The following RPA1 variants were observed in gnomAD, a reference collection of about 807,000 sequenced individuals.
The protein encoded by RPA1 is replication protein A1.
Under a neutral mutation model 83.0 loss-of-function variants are expected in RPA1, and 49 were observed. The ratio of observed to expected loss-of-function variants is 0.59; its 90% confidence interval spans 0.47 to 0.75. The LOEUF (loss-of-function observed/expected upper bound fraction) is 0.75, where lower values mean the gene tolerates loss of function less well. Ranked by LOEUF, RPA1 falls within the 30% of genes least tolerant of loss-of-function variation. RPA1 has a pLI of 0.00. For missense variants in RPA1, 693 were observed against 776.1 expected, an observed-to-expected ratio of 0.89 and a Z score of 1.27; for synonymous variants, 279 against 281.8, an observed-to-expected ratio of 0.99 and a Z score of 0.10.
chr17:1,850,130 C>A (rs1912432438), intron 4 of RPA1, among the ~76,000 whole-genome samples: 1 of 151,360 alleles, frequency 6.6e-6, no homozygotes, highest in South Asian at 2.1e-4. Flanking sequence ...TGAGATCGCC[C>A]CACTGCACTC....
chr17:1,897,121 C>G lies in RPA1; in HGVS notation c.1797C>G (p.Tyr599Ter). 6.4e-7 allele frequency: 1 copy of G among 1,572,462 alleles called. No individual in the cohort carries two copies. The highest frequency in any genetic ancestry group is 8.6e-7 in the Non-Finnish European group (1 of 1,158,544). Residue 599 changes from tyrosine to a stop codon, truncating the protein, a stop_gained, in exon 17 of 17, where the codon TAC becomes TAG. Coordinates refer to ENST00000254719, the MANE Select transcript of RPA1 (RefSeq NM_002945.5). LOFTEE classifies it high-confidence loss of function. ...TGATGGACGTGAAGCCCGTGGACTACAGAGAGTATGGCCGAAGGCTGGTCA... is the reference window on the plus strand; with the variant it reads ...TGATGGACGTGAAGCCCGTGGACTAGAGAGAGTATGGCCGAAGGCTGGTCA... Reference protein sequence around the residue: ...ATVMDVKPVDYREYGRRLVMS... With the variant: ...ATVMDVKPVD
At chr17:1,893,227 A>G (rs1914264743) in intron 15 of RPA1, among the ~76,000 whole-genome samples, 1 of 152,226 alleles carries the variant, frequency 6.6e-6, no homozygotes, top group Non-Finnish European at 1.5e-5. Flanking sequence ...TTCGTATCAG[A>G]TTTTAAGGCC....
chr17:1,861,357 C>T (rs1597438090), intron 5 of RPA1, among the ~76,000 whole-genome samples: 1 of 152,202 alleles, frequency 6.6e-6, no homozygotes, highest in African/African-American at 2.4e-5. Context: ...CTGTGCACAG[C>T]AGGCGCTACC....
chr17:1,894,010 G>A (rs1218861723), intron 15 of RPA1, among the ~76,000 whole-genome samples: 3 of 148,932 alleles, frequency 2.0e-5, no homozygotes, highest in South Asian at 2.1e-4. Context: ...ACTGGTACAC[G>A]CCACCATACC....
In RPA1 at chr17:1,875,435, T is replaced by C. The variant is rs56082283; in HGVS notation, c.455-226T>C. Among the ~76,000 whole-genome samples the C allele has an allele frequency of 5.9e-5, 9 of 152,316 alleles. No homozygotes were observed. In the South Asian group the frequency reaches 1.2e-3, roughly 21 times the overall value. ...GGGCTGACATCAGCAAACATAGCAG[T>C]GAGCTGCTGTGTGCGCAGCCTTCAT... On this transcript the variant is annotated intron_variant, in intron 6 of 16. Transcript: ENST00000254719.
rs1337414967 is a variant in RPA1, at chr17:1,879,593, C to T, written c.986C>T (p.Ala329Val). 1.9e-6 allele frequency: 3 copies of T among 1,614,204 alleles called. No homozygotes were observed. The highest frequency in any genetic ancestry group is 3.3e-5 in the Admixed American group (2 of 60,026). ...GGGATCTGCAAGAGCTATGAAGACG[C>T]CACTAAAATCACAGTGAGGTCTAAC... The part of the protein sequence containing the change: ...IIGICKSYED[A>V]TKITVRSNNR... Residue 329 changes from alanine (A) to valine (V), a missense_variant, in exon 11 of 17, where the codon GCC becomes GTC. Ala to Val is a moderately conservative substitution (Grantham distance 64). Transcript: ENST00000254719.
At chr17:1,858,449 T>G in intron 5 of RPA1, 1 of 1,350,880 alleles carries the variant, frequency 7.4e-7, no homozygotes, top group Non-Finnish European at 1.1e-6. Context: ...GCAGCCATCT[T>G]GGGTTCTGGT....
chr17:1,833,856 AAAAAG>A (rs1420849763), intron 1 of RPA1, among the ~76,000 whole-genome samples: 4 of 150,046 alleles, frequency 2.7e-5, no homozygotes, highest in African/African-American at 9.8e-5. Context: ...CTCAAAAGAA[AAAAAG>A]AAAAGAATGG....
At chr17:1,854,720 T>C (rs1175559723) in intron 5 of RPA1, among the ~76,000 whole-genome samples, 1 of 152,154 alleles carries the variant, frequency 6.6e-6, no homozygotes, top group African/African-American at 2.4e-5. Flanking sequence ...TGCAAAAAAT[T>C]AAAAGTGTGT....
At chr17:1,857,071 G>A (rs1323662547) in intron 5 of RPA1, among the ~76,000 whole-genome samples, 1 of 151,920 alleles carries the variant, frequency 6.6e-6, no homozygotes, top group East Asian at 1.9e-4. Flanking sequence ...TCTAACATAG[G>A]CATGTAGCAT....
In RPA1 at chr17:1,844,734, A is replaced by G. The variant is rs4790827; in HGVS notation, c.272+48A>G. 1,253,188 of 1,403,766 alleles carry G rather than the reference A, an allele frequency of 0.89. 562,255 individuals carry two copies. The highest frequency in any genetic ancestry group is 0.92 in the Non-Finnish European group (927,798 of 1,006,020). The allele number at this position is 1,403,766 out of a possible 1,614,324, so 87.0% of individuals were successfully genotyped here. On this transcript the variant is annotated intron_variant, in intron 4 of 16. Coordinates refer to ENST00000254719, the MANE Select transcript of RPA1 (RefSeq NM_002945.5). ...TCTTATTGTATCGTAGAATGGGAAC[A>G]AATTTAGGAATAAAAAAGGCAATAG...
chr17:1,854,347 A>G (rs904600667), intron 5 of RPA1: 2 of 152,194 alleles, frequency 1.3e-5, no homozygotes, highest in Non-Finnish European at 2.9e-5. Flanking sequence ...AGGCTGCACA[A>G]ATAGATTGGA....
At chr17:1,879,509 G>C (rs567027070) in intron 10 of RPA1, 51 bp from the exon 11 acceptor site, 1 of 1,613,036 alleles carries the variant, frequency 6.2e-7, no homozygotes, top group Non-Finnish European at 8.5e-7. Flanking sequence ...ATTTGCTGGC[G>C]TCGGAATGGG....
At chr17:1,873,606 G>A (rs7503173) in intron 6 of RPA1, among the ~76,000 whole-genome samples, 3 of 151,786 alleles carry the variant, frequency 2.0e-5, no homozygotes, top group Admixed American at 1.3e-4. Context: ...TACCTTGCAC[G>A]ATCCGTCTAC....
chr17:1,832,626 A>G (rs1362955298), intron 1 of RPA1, among the ~76,000 whole-genome samples: 1 of 151,824 alleles, frequency 6.6e-6, no homozygotes, highest in Non-Finnish European at 1.5e-5. Flanking sequence ...ACCTCAAGCA[A>G]TCCACCTGCT....
chr17:1,837,347 CTA>C (rs1911865361), intron 1 of RPA1, among the ~76,000 whole-genome samples: 1 of 152,136 alleles, frequency 6.6e-6, no homozygotes, highest in South Asian at 2.1e-4. Context: ...CATTGTATGA[CTA>C]TAACAAAATT....
At chr17:1,831,870 G>A (rs370643087) in intron 1 of RPA1, among the ~76,000 whole-genome samples, 184 of 146,376 alleles carry the variant, frequency 1.3e-3, no homozygotes, top group Non-Finnish European at 2.0e-3. Flanking sequence ...AAGTGTTGGG[G>A]TTACAGGCGT....
At chr17:1,874,030 TATAC>T (rs1311230668) in intron 6 of RPA1, among the ~76,000 whole-genome samples, 59 of 90,870 alleles carry the variant, frequency 6.5e-4, no homozygotes, top group South Asian at 1.4e-3. Flanking sequence ...TATATATATA[TATAC>T]ACACACACAC....
chr17:1,877,099 C>A, intron 7 of RPA1, 113 bp from the exon 8 acceptor site: 1 of 927,892 alleles, frequency 1.1e-6, no homozygotes, highest in Non-Finnish European at 1.7e-6. Flanking sequence ...GATTAAAATA[C>A]AGGTTGGAAA....
Sources: gnomAD v4.1 joint callset for allele counts (sites outside exome capture counted in the v4.1 genomes callset) on GRCh38, gnomAD v4.1.1 for gene constraint, MANE v1.5 for transcripts, NCBI Gene and HGNC (gene_info 2026-07-23, HGNC 2026-07-21) for gene names.